The following ANKRD33 variants were observed in gnomAD, a reference collection of about 807,000 sequenced individuals.
The protein encoded by ANKRD33 is ankyrin repeat domain 33.
A neutral mutation model predicts 20.6 loss-of-function variants in ANKRD33; 20 were observed. The observed-to-expected ratio is 0.97, with a 90% CI of 0.68 to 1.41. ANKRD33 has a LOEUF of 1.41. Ranked by LOEUF, ANKRD33 falls within the 40% of genes most tolerant of loss-of-function variation. The pLI, the probability that ANKRD33 is intolerant of heterozygous loss-of-function variation, is 0.00. For missense variants in ANKRD33, 545 were observed against 579.6 expected, an observed-to-expected ratio of 0.94 and a Z score of 0.61; for synonymous variants, 246 against 245.0, an observed-to-expected ratio of 1.00 and a Z score of -0.04.
At position 51,888,295 on chromosome 12, in the gene ANKRD33, C is replaced by T; in HGVS notation, c.109C>T (p.Arg37Cys). ...IVLRGAWAVP[R>C]VDCLIDTLRT... ...GCTCCGCGGAGCCTGGGCTGTGCCC[C>T]GCGTTGACTGCCTCATAGATACCCT... The change falls in exon 1 of 5, where the codon CGC becomes TGC. Residue 37 changes from arginine (R) to cysteine (C), a missense_variant. Physicochemically the swap from Arg to Cys is radical, Grantham distance 180. Coordinates refer to ENST00000301190, the MANE Select transcript of ANKRD33 (RefSeq NM_182608.4). 6.2e-7 allele frequency: 1 copy of T among 1,613,816 alleles called. No individual in the cohort carries two copies.
At position 51,891,118 on chromosome 12, in the gene ANKRD33, A is replaced by G. The variant is rs1592213611; in HGVS notation, c.1172A>G (p.Asp391Gly). The G allele has an allele frequency of 1.9e-6, 3 of 1,613,718 alleles. No individual in the cohort carries two copies. The highest frequency in any genetic ancestry group is 2.5e-6 in the Non-Finnish European group (3 of 1,179,960). The change falls in exon 5 of 5, where the codon GAT (aspartate) becomes GGT (glycine). Residue 391 changes from aspartate (D) to glycine (G), a missense_variant. Physicochemically the swap from Asp to Gly is moderately conservative, Grantham distance 94. Coordinates refer to ENST00000301190, the MANE Select transcript of ANKRD33 (RefSeq NM_182608.4). ...SKCLQWLQPR[D>G]STSPRPQVPK... ...TGCCTTCAGTGGCTACAACCCAGGG[A>G]TAGCACCAGCCCCAGGCCCCAAGTC...
At position 51,888,779 on chromosome 12, in the gene ANKRD33, C is replaced by A; in HGVS notation, c.357C>A (p.Val119=). ...TQLQAILDGG[V]SPEEATQVDS... Reference sequence around the variant, plus strand: ...TCCAAGCCATACTGGATGGTGGGGTCTCCCCAGAGGAGGCCACCCAGGTGG... The same window carrying A: ...TCCAAGCCATACTGGATGGTGGGGTATCCCCAGAGGAGGCCACCCAGGTGG... Residue 119 remains valine, a synonymous_variant, in exon 2 of 5, where the codon GTC becomes GTA. Coordinates refer to ENST00000301190, the MANE Select transcript of ANKRD33 (RefSeq NM_182608.4). The A allele has an allele frequency of 6.2e-7, 1 of 1,613,990 alleles. No individual in the cohort carries two copies. The highest frequency in any genetic ancestry group is 1.1e-5 in the South Asian group (1 of 91,086).
chr12:51,891,470 GA>G lies in ANKRD33; in HGVS notation c.*168del. The G allele has an allele frequency of 1.6e-6, 2 of 1,224,114 alleles. No individual in the cohort carries two copies. Among genetic ancestry groups the G allele is most frequent in the Non-Finnish European group, 2.2e-6 (2 of 907,864 alleles). 75.8% of individuals were successfully genotyped at this position (1,224,114 alleles called of 1,614,324 possible). On this transcript the variant is annotated 3_prime_UTR_variant, in exon 5 of 5. Transcript: ENST00000301190. Reference sequence around the variant, plus strand: ...TCATTCTAGCATTGTTTGCAAGAGTGAAAGAGTGGAAACACCCGAAGTGTCC... The same window carrying G: ...TCATTCTAGCATTGTTTGCAAGAGTGAAGAGTGGAAACACCCGAAGTGTCC...
Position 51,890,499 on chromosome 12 carries a change from A to C in ANKRD33, c.638-85A>C, listed in dbSNP as rs777476701. ...CTCTATGGCTTCGAATGTAACCCAC[A>C]TCAGTCTTGCTCCTAAAGAATCTGC... On this transcript the variant is annotated intron_variant, in intron 4 of 4. Transcript: ENST00000301190. 33 of 1,539,494 alleles carry C rather than the reference A, an allele frequency of 2.1e-5. No homozygotes were observed. The Admixed American group carries it at 6.3e-4, about 29-fold the overall frequency.
At chr12:51,889,570 C>A in intron 4 of ANKRD33, 88 bp downstream of exon 4, 1 of 1,529,042 alleles carries the variant, frequency 6.5e-7, no homozygotes, top group Non-Finnish European at 8.8e-7. Context: ...AGCCTTCCCA[C>A]CAGACACTAA....
At chr12:51,889,312 G>C (rs188255079) in intron 3 of ANKRD33, 60 bp from the exon 4 acceptor site, 1 of 1,606,752 alleles carries the variant, frequency 6.2e-7, no homozygotes, top group Non-Finnish European at 8.5e-7. Flanking sequence ...GGTGGAGGGC[G>C]GTTTGGGAGC....
In ANKRD33 at chr12:51,888,717, C is replaced by G. The variant is rs762380273; in HGVS notation, c.295C>G (p.Leu99Val). 1 of 1,613,856 alleles carries G rather than the reference C, an allele frequency of 6.2e-7. No homozygotes were observed. Among genetic ancestry groups the G allele is most frequent in the East Asian group, 2.2e-5 (1 of 44,872 alleles). Reference sequence around the variant, plus strand: ...CACCCCAGGCTGCAGGCTGGGGGCCCTGTATTGGGCCTGTGTCCACAATGA... The same window carrying G: ...CACCCCAGGCTGCAGGCTGGGGGCCGTGTATTGGGCCTGTGTCCACAATGA... ...TPTPGCRLGA[L>V]YWACVHNDPT... Residue 99 changes from leucine (L) to valine (V), a missense_variant, in exon 2 of 5, where the codon CTG (leucine) becomes GTG (valine). Coordinates refer to ENST00000301190, the MANE Select transcript of ANKRD33 (RefSeq NM_182608.4).
chr12:51,888,993 T>C (rs983358187), intron 2 of ANKRD33, 74 bp from the exon 3 acceptor site: 28 of 1,602,116 alleles, frequency 1.7e-5, no homozygotes, highest in African/African-American at 2.7e-5. Context: ...GGGACAGATA[T>C]GGGTTTAGAG....
rs1311697676 is a variant in ANKRD33, at chr12:51,888,322, C to T, written c.136C>T (p.Arg46Ter). The T allele has an allele frequency of 1.9e-6, 3 of 1,614,122 alleles. No individual in the cohort carries two copies. The highest frequency in any genetic ancestry group is 2.2e-5 in the East Asian group (1 of 44,876). ...CGTTGACTGCCTCATAGATACCCTACGAACCCCAAGTAAGAAAAAACGACG... is the reference window on the plus strand; with the variant it reads ...CGTTGACTGCCTCATAGATACCCTATGAACCCCAAGTAAGAAAAAACGACG... ...PRVDCLIDTL[R>*]TPNASCMRKG... Residue 46 changes from arginine to a stop codon, truncating the protein, a stop_gained, in exon 1 of 5, where the codon CGA (arginine) becomes TGA (stop). Transcript: ENST00000301190. LOFTEE classifies it high-confidence loss of function.
chr12:51,891,079 G>T lies in ANKRD33; in HGVS notation c.1133G>T (p.Gly378Val). The T allele has an allele frequency of 6.2e-7, 1 of 1,614,058 alleles. No homozygotes were observed. Residue 378 changes from glycine to valine, a missense_variant, in exon 5 of 5, where the codon GGC becomes GTC. Coordinates refer to ENST00000301190, the MANE Select transcript of ANKRD33 (RefSeq NM_182608.4). Reference sequence around the variant, plus strand: ...TTCGTCCCCTACCAGAGCCCTCAGGGCATATTGAGCAAGTGCCTTCAGTGG... The same window carrying T: ...TTCGTCCCCTACCAGAGCCCTCAGGTCATATTGAGCAAGTGCCTTCAGTGG... Reference protein sequence around the residue: ...WVFVPYQSPQGILSKCLQWLQ... With the variant: ...WVFVPYQSPQVILSKCLQWLQ...
intron 3 of ANKRD33, 50 bp downstream of exon 3, chr12:51,889,246 A>T (rs1294630510): frequency 1.9e-6 from 3 of 1,613,316 alleles, no homozygotes; most frequent in Non-Finnish European, 2.5e-6. Context: ...TGATGCAGAC[A>T]GGGCCTCAGC....
Position 51,890,757 on chromosome 12 carries a change from G to A in ANKRD33, c.811G>A (p.Ala271Thr). 1 of 1,601,660 alleles carries A rather than the reference G, an allele frequency of 6.2e-7. No individual in the cohort carries two copies. Among genetic ancestry groups the A allele is most frequent in the Non-Finnish European group, 8.5e-7 (1 of 1,178,468 alleles). Residue 271 changes from alanine to threonine, a missense_variant, in exon 5 of 5, where the codon GCC (alanine) becomes ACC (threonine). Physicochemically the swap from Ala to Thr is moderately conservative, Grantham distance 58 (BLOSUM62 0). Coordinates refer to ENST00000301190, the MANE Select transcript of ANKRD33 (RefSeq NM_182608.4). ...PEWPALSGLV[A>T]QAQAQAQVAP... Reference sequence around the variant, plus strand: ...GTGGCCGGCCTTGTCCGGGCTCGTGGCCCAGGCCCAGGCCCAGGCCCAGGT... The same window carrying A: ...GTGGCCGGCCTTGTCCGGGCTCGTGACCCAGGCCCAGGCCCAGGCCCAGGT...
intron 4 of ANKRD33, 30 bp from the exon 5 acceptor site, chr12:51,890,554 C>T: frequency 1.3e-6 from 2 of 1,597,602 alleles, no homozygotes; most frequent in East Asian, 2.2e-5. Flanking sequence ...CCCTATCCCG[C>T]CCCATGTCAC....
chr12:51,890,444 C>A (rs769344800), intron 4 of ANKRD33, 140 bp from the exon 5 acceptor site: 3 of 1,532,774 alleles, frequency 2.0e-6, no homozygotes, highest in Non-Finnish European at 2.6e-6. Flanking sequence ...CAACACTGGC[C>A]TCCCTGATTC....
rs146634550 is a variant in ANKRD33, at chr12:51,890,737, C to T, written c.791C>T (p.Pro264Leu). Reference protein sequence around the residue: ...QLSQHYKPEWPALSGLVAQAQ... With the variant: ...QLSQHYKPEWLALSGLVAQAQ... ...AGCCAGCACTACAAGCCCGAGTGGC[C>T]GGCCTTGTCCGGGCTCGTGGCCCAG... Residue 264 changes from proline (P) to leucine (L), a missense_variant, in exon 5 of 5, where the codon CCG becomes CTG. Physicochemically the swap from Pro to Leu is moderately conservative, Grantham distance 98. Transcript: ENST00000301190. 252 of 1,603,934 alleles carry T rather than the reference C, an allele frequency of 1.6e-4. No homozygotes were observed. Among genetic ancestry groups the T allele is most frequent in the Non-Finnish European group, 1.7e-4 (204 of 1,179,874 alleles).
Position 51,891,185 on chromosome 12 carries a change from G to C in ANKRD33, c.1239G>C (p.Gln413His), listed in dbSNP as rs147411258. The C allele has an allele frequency of 3.3e-5, 53 of 1,614,112 alleles. No homozygotes were observed. Among genetic ancestry groups the C allele is most frequent in the Middle Eastern group, 1.6e-4 (1 of 6,084 alleles). ...CCAAGGCATCCTCATCCTCCCACCA[G>C]TGCCAGCCGAAGCCCAGTCCTTCAG... The part of the protein sequence containing the change: ...LLSKASSSSH[Q>H]CQPKPSPSGH... Residue 413 changes from glutamine to histidine, a missense_variant, in exon 5 of 5, where the codon CAG (glutamine) becomes CAC (histidine). By Grantham distance (24) the Gln-to-His change is conservative (BLOSUM62 0). Coordinates refer to ENST00000301190, the MANE Select transcript of ANKRD33 (RefSeq NM_182608.4).
Position 51,888,773 on chromosome 12 carries a change from T to C in ANKRD33, c.351T>C (p.Gly117=). 1 of 1,613,820 alleles carries C rather than the reference T, an allele frequency of 6.2e-7. No homozygotes were observed. The highest frequency in any genetic ancestry group is 8.5e-7 in the Non-Finnish European group (1 of 1,179,984). The change falls in exon 2 of 5, where the codon GGT becomes GGC. Residue 117 remains glycine (G), a synonymous_variant. Transcript: ENST00000301190. Reference sequence around the variant, plus strand: ...CCCAGCTCCAAGCCATACTGGATGGTGGGGTCTCCCCAGAGGAGGCCACCC... The same window carrying C: ...CCCAGCTCCAAGCCATACTGGATGGCGGGGTCTCCCCAGAGGAGGCCACCC... ...DPTQLQAILD[G]GVSPEEATQV...
Position 51,891,478 on chromosome 12 carries a change from G to A in ANKRD33, c.*173G>A. ...GCATTGTTTGCAAGAGTGAAAGAGT[G>A]GAAACACCCGAAGTGTCCATCAGTA... On this transcript the variant is annotated 3_prime_UTR_variant, in exon 5 of 5. Transcript: ENST00000301190. 3 of 1,160,084 alleles carry A rather than the reference G, an allele frequency of 2.6e-6. No homozygotes were observed. Among genetic ancestry groups the A allele is most frequent in the Non-Finnish European group, 3.5e-6 (3 of 849,562 alleles). 71.9% of individuals were successfully genotyped at this position (1,160,084 alleles called of 1,614,324 possible).
Position 51,889,156 on chromosome 12 carries a change from C to T in ANKRD33, c.486C>T (p.Asp162=). The change falls in exon 3 of 5, where the codon GAC becomes GAT. Residue 162 remains aspartate (D), a synonymous_variant. Coordinates refer to ENST00000301190, the MANE Select transcript of ANKRD33 (RefSeq NM_182608.4). ...HCPFLDVNQQ[D]KGGDTALMLA... ...CTTTCCTTGATGTGAACCAGCAGGA[C>T]AAAGGAGGGGACACGGCCCTCATGT... The T allele has an allele frequency of 6.2e-7, 1 of 1,614,198 alleles. No individual in the cohort carries two copies. The highest frequency in any genetic ancestry group is 8.5e-7 in the Non-Finnish European group (1 of 1,180,034).
Sources: allele counts gnomAD v4.1 joint callset, GRCh38; gene constraint gnomAD v4.1.1; transcripts MANE v1.5; gene names NCBI Gene and HGNC (gene_info 2026-07-23, HGNC 2026-07-21).